The following CHUK variants were observed in gnomAD, a reference collection of about 807,000 sequenced individuals.
The protein encoded by CHUK is inhibitor of nuclear factor kappa-B kinase subunit alpha.
Under a neutral mutation model 104.8 loss-of-function variants are expected in CHUK, and 35 were observed. The observed-to-expected ratio is 0.33, with a 90% confidence interval of 0.26 to 0.44. The LOEUF is 0.44. Ranked by LOEUF, CHUK falls within the 20% of genes least tolerant of loss-of-function variation. The pLI is 1.00. For synonymous variants in CHUK, 276 were observed against 291.9 expected, an observed-to-expected ratio of 0.95 and a Z score of 0.56; for missense variants, 663 against 902.7, an observed-to-expected ratio of 0.73 and a Z score of 3.40.
intron 2 of CHUK, among the ~76,000 whole-genome samples, chr10:100,223,965 T>G (rs1401275666): frequency 6.6e-6 from 1 of 152,224 alleles, no homozygotes; most frequent in African/African-American, 2.4e-5. Flanking sequence ...CTCCTCCCCT[T>G]GAATGTAGGC....
chr10:100,200,105 A>G (rs1845427542), intron 15 of CHUK, 85 bp from the exon 16 acceptor site: 1 of 1,019,736 alleles, frequency 9.8e-7, no homozygotes, highest in African/African-American at 1.6e-5. Flanking sequence ...TTTTATTTGA[A>G]TAATGAACCC....
chr10:100,213,208 C>T (rs540600083), intron 9 of CHUK, among the ~76,000 whole-genome samples: 3 of 150,876 alleles, frequency 2.0e-5, no homozygotes, highest in African/African-American at 4.9e-5. Context: ...AGGCTGGGCG[C>T]GGTGGCTCAC....
Position 100,197,869 on chromosome 10 carries a change from ACC to A in CHUK, c.1729+2100_1729+2101del, listed in dbSNP as rs1215860069. 1.3e-3 allele frequency among the ~76,000 whole-genome samples: 198 copies of A among 152,262 alleles called. 1 individual carries two copies. Among genetic ancestry groups the A allele is most frequent in the African/African-American group, 4.7e-3 (195 of 41,558 alleles). ...CAAGAGCCCACCTCTAAAAACAAAA[ACC>A]AAAAAACGATATTTTCTAAAACAAA... On this transcript the variant is annotated intron_variant, in intron 16 of 20. Coordinates refer to ENST00000370397, the MANE Select transcript of CHUK (RefSeq NM_001278.5).
chr10:100,218,637 C>T (rs1384773921), intron 8 of CHUK, 81 bp downstream of exon 8: 1 of 934,736 alleles, frequency 1.1e-6, no homozygotes, highest in African/African-American at 1.6e-5. Context: ...GATAATGCAA[C>T]TTGAAACAGA....
chr10:100,204,869 G>A (rs564275852), intron 12 of CHUK, among the ~76,000 whole-genome samples: 5 of 152,178 alleles, frequency 3.3e-5, no homozygotes, highest in Admixed American at 2.0e-4. Context: ...TACTAGGACC[G>A]TATGGGAATT....
intron 10 of CHUK, among the ~76,000 whole-genome samples, chr10:100,208,696 G>C (rs1845647959): frequency 6.6e-6 from 1 of 150,778 alleles, no homozygotes; most frequent in South Asian, 2.1e-4. Context: ...GTGGCAGGGA[G>C]AATCACTTGA....
At chr10:100,212,410 A>G (rs572441404) in intron 9 of CHUK, among the ~76,000 whole-genome samples, 1 of 152,240 alleles carries the variant, frequency 6.6e-6, no homozygotes, top group African/African-American at 2.4e-5. Flanking sequence ...GCACCTTTTC[A>G]TATGTTTGTT....
intron 16 of CHUK, among the ~76,000 whole-genome samples, chr10:100,197,362 A>C (rs1420546967): frequency 6.6e-6 from 1 of 152,090 alleles, no homozygotes; most frequent in Non-Finnish European, 1.5e-5. Flanking sequence ...CTCTACATCA[A>C]CTTTTAGCTA....
intron 10 of CHUK, among the ~76,000 whole-genome samples, chr10:100,208,182 T>G (rs1845635394): frequency 6.6e-6 from 1 of 152,156 alleles, no homozygotes; most frequent in African/African-American, 2.4e-5. Context: ...CATGGCTCAT[T>G]GCAGCCTCAA....
intron 1 of CHUK, among the ~76,000 whole-genome samples, chr10:100,229,005 A>G (rs1349428206): frequency 6.7e-6 from 1 of 149,488 alleles, no homozygotes; most frequent in Non-Finnish European, 1.5e-5. Context: ...ACACACACAC[A>G]CACACACACA....
intron 1 of CHUK, 40 bp from the exon 2 acceptor site, chr10:100,226,057 TC>T (rs757874042): frequency 3.4e-5 from 41 of 1,196,466 alleles, no homozygotes; most frequent in Non-Finnish European, 4.3e-5. Flanking sequence ...AAAATTAGGT[TC>T]TTGTGAAGAT....
intron 19 of CHUK, among the ~76,000 whole-genome samples, 187 bp from the exon 20 acceptor site, chr10:100,191,155 G>A (rs942807476): frequency 3.3e-5 from 5 of 152,146 alleles, no homozygotes; most frequent in African/African-American, 1.2e-4. Context: ...GTTAAGACCA[G>A]GCTGCTGCCT....
intron 8 of CHUK, 139 bp downstream of exon 8, chr10:100,218,579 C>T (rs1043129846): frequency 5.7e-6 from 4 of 701,946 alleles, no homozygotes; most frequent in East Asian, 2.7e-5. Flanking sequence ...CCTCATGTGG[C>T]CAACAGAAAT....
chr10:100,205,208 A>C lies in CHUK; in HGVS notation c.1232-9T>G. On this transcript the variant is annotated splice_polypyrimidine_tract_variant and intron_variant, in intron 11 of 20. Transcript: ENST00000370397. ...TATTTTGCTGTCCTGTACTATATAC[A>C]AGAAGATGAGAAAAAGGGCAAGGGA... is the stretch of plus-strand genomic sequence containing the variant. The C allele has an allele frequency of 6.2e-7, 1 of 1,613,854 alleles. No homozygotes were observed. Among genetic ancestry groups the C allele is most frequent in the East Asian group, 2.2e-5 (1 of 44,874 alleles).
chr10:100,203,338 A>G (rs1021918396), intron 13 of CHUK, among the ~76,000 whole-genome samples: 1 of 152,144 alleles, frequency 6.6e-6, no homozygotes, highest in Non-Finnish European at 1.5e-5. Context: ...TTGTATAATA[A>G]GCCTTTGACA....
At chr10:100,228,993 GCACACACA>G (rs59218517) in intron 1 of CHUK, among the ~76,000 whole-genome samples, 38 of 133,538 alleles carry the variant, frequency 2.8e-4, no homozygotes, top group South Asian at 7.4e-4. Flanking sequence ...GCGCGCGCGC[GCACACACA>G]CACACACACA....
At position 100,193,378 on chromosome 10, in the gene CHUK, G is replaced by C. The variant is rs140566994; in HGVS notation, c.2028C>G (p.Thr676=). The part of the protein sequence containing the change: ...LVGSSLEGAV[T]PQTSAWLPPT... ...GGGGCAGCCATGCTGATGTCTGAGG[G>C]GTTACTGCACCTTCTAGACTGGATC... The change falls in exon 19 of 21, where the codon ACC becomes ACG. Residue 676 remains threonine, a synonymous_variant. Coordinates refer to ENST00000370397, the MANE Select transcript of CHUK (RefSeq NM_001278.5). 13 of 1,613,904 alleles carry C rather than the reference G, an allele frequency of 8.1e-6. No individual in the cohort carries two copies. In the Admixed American group the frequency reaches 1.2e-4, roughly 14 times the overall value.
chr10:100,198,879 T>C (rs1475676606), intron 16 of CHUK, among the ~76,000 whole-genome samples: 2 of 152,234 alleles, frequency 1.3e-5, no homozygotes, highest in Non-Finnish European at 2.9e-5. Context: ...CTTTATTTCT[T>C]CTGTTACCCT....
chr10:100,200,547 C>G, intron 15 of CHUK, 124 bp downstream of exon 15: 1 of 677,582 alleles, frequency 1.5e-6, no homozygotes, highest in Non-Finnish European at 2.7e-6. Context: ...AAATATAATG[C>G]CAATATATTT....
Sources: allele counts gnomAD v4.1 joint callset (sites outside exome capture counted in the v4.1 genomes callset), GRCh38; gene constraint gnomAD v4.1.1; transcripts MANE v1.5; gene names NCBI Gene and HGNC (gene_info 2026-07-23, HGNC 2026-07-21).